RASA1: variants seen among roughly 807,000 people sequenced by gnomAD.
RASA1 encodes RAS p21 protein activator 1, also known as ras GTPase-activating protein 1.
Under a neutral mutation model 132.2 loss-of-function variants are expected in RASA1, and 25 were observed. The ratio of observed to expected loss-of-function variants is 0.19; its 90% CI spans 0.14 to 0.26. The LOEUF is 0.26. RASA1 is among the 10% of genes least tolerant of loss of function. The pLI is 1.00. For missense variants in RASA1, 964 were observed against 1,299.2 expected, an observed-to-expected ratio of 0.74 and a Z score of 3.97; for synonymous variants, 477 against 449.9, an observed-to-expected ratio of 1.06 and a Z score of -0.76.
chr5:87,364,332 A>G (rs1327148516), intron 11 of RASA1, among the ~76,000 whole-genome samples: 1 of 152,134 alleles, frequency 6.6e-6, no homozygotes, highest in African/African-American at 2.4e-5. Flanking sequence ...AGGAGATCAC[A>G]TTAGTGTTAC....
rs1425470015 is a variant in RASA1, at chr5:87,376,408, A to T, written c.2027A>T (p.Gln676Leu). Reference sequence around the variant, plus strand: ...TCTTCCCAAGTATTTATGCGCTGCCAGTTGAGCCGATTACAGAAAGGGCAT... The same window carrying T: ...TCTTCCCAAGTATTTATGCGCTGCCTGTTGAGCCGATTACAGAAAGGGCAT... The part of the protein sequence containing the change: ...KDPDILFMRC[Q>L]LSRLQKGHAT... Residue 676 changes from glutamine to leucine, a missense_variant, in exon 16 of 25, where the codon CAG (glutamine) becomes CTG (leucine). Physicochemically the swap from Gln to Leu is moderately radical, Grantham distance 113. Coordinates refer to ENST00000274376, the MANE Select transcript of RASA1 (RefSeq NM_002890.3). The T allele has an allele frequency of 1.2e-6, 2 of 1,614,004 alleles. No homozygotes were observed. The highest frequency in any genetic ancestry group is 2.7e-5 in the African/African-American group (2 of 75,048).
At chr5:87,279,127 CA>C (rs1754201341) in intron 1 of RASA1, among the ~76,000 whole-genome samples, 1 of 152,062 alleles carries the variant, frequency 6.6e-6, no homozygotes. Flanking sequence ...ACCATAGTCC[CA>C]GCTATTCAGG....
rs1165923340 is a variant in RASA1 at position 87,389,503 on chromosome 5, C to A, written c.3036C>A (p.Leu1012=). 1.2e-6 allele frequency: 2 copies of A among 1,614,066 alleles called. No individual in the cohort carries two copies. The highest frequency in any genetic ancestry group is 2.2e-5 in the South Asian group (2 of 91,078). ...CVAHSDELRT[L]SNERGAQQHV... ...CTCATTCAGATGAACTTCGAACGCT[C>A]AGTAATGAGCGTGGTGCACAGCAGG... Residue 1012 remains leucine (L), a synonymous_variant, in exon 24 of 25, where the codon CTC becomes CTA. Coordinates refer to ENST00000274376, the MANE Select transcript of RASA1 (RefSeq NM_002890.3).
At chr5:87,279,489 A>G (rs921682135) in intron 1 of RASA1, among the ~76,000 whole-genome samples, 5 of 152,174 alleles carry the variant, frequency 3.3e-5, no homozygotes, top group African/African-American at 9.7e-5. Context: ...TTTTGTGTGA[A>G]CATAAGTTTT....
rs558161286 is a variant in RASA1 at position 87,364,035 on chromosome 5, C to T, written c.1610+531C>T. On this transcript the variant is annotated intron_variant, in intron 11 of 24. Coordinates refer to ENST00000274376, the MANE Select transcript of RASA1 (RefSeq NM_002890.3). ...TAAACATCAGAAGACAAATCCAGCT[C>T]TTGATTACATCTAGATTTTTTTCTC... Among the ~76,000 whole-genome samples, 5 of 152,208 alleles carry T rather than the reference C, an allele frequency of 3.3e-5. No individual in the cohort carries two copies. The East Asian group carries it at 7.7e-4, about 23-fold the overall frequency.
intron 1 of RASA1, chr5:87,331,037 C>G: frequency 7.8e-7 from 1 of 1,276,728 alleles, no homozygotes; most frequent in East Asian, 2.6e-5. Context: ...AAGTAAAGAT[C>G]TGGTTGCAGT....
At position 87,278,916 on chromosome 5, in the gene RASA1, T is replaced by C. The variant is rs934818612; in HGVS notation, c.539+9926T>C. ...GGTAACTGCTAATTTGTTCTTTTTT[T>C]TTTTTTTTTTTTTTTTTCCTGTGGT... On this transcript the variant is annotated intron_variant, in intron 1 of 24. Transcript: ENST00000274376. Among the ~76,000 whole-genome samples, 280 of 135,320 alleles carry C rather than the reference T, an allele frequency of 2.1e-3. 4 individuals are homozygous for C. The highest frequency in any genetic ancestry group is 8.1e-3 in the African/African-American group (269 of 33,312). The allele number at this position is 135,320 out of a possible 152,430, so 88.8% of individuals were successfully genotyped here. A position where few individuals can be genotyped will look rare whatever the true frequency, so the allele number is the denominator to read the frequency against.
chr5:87,269,185 ATT>A, intron 1 of RASA1, 195 bp downstream of exon 1: 7 of 1,604,064 alleles, frequency 4.4e-6, no homozygotes, highest in Non-Finnish European at 6.0e-6. Context: ...GTCTTCCTAC[ATT>A]TATTGCTCCT....
intron 1 of RASA1, among the ~76,000 whole-genome samples, chr5:87,282,265 T>A (rs1238494709): frequency 2.0e-5 from 3 of 152,216 alleles, no homozygotes; most frequent in Non-Finnish European, 1.5e-5. Flanking sequence ...TAGTAACAAT[T>A]TATTCGTTTT....
At position 87,325,705 on chromosome 5, in the gene RASA1, T is replaced by A. The variant is rs142758585; in HGVS notation, c.540-5643T>A. Among the ~76,000 whole-genome samples the A allele has an allele frequency of 4.3e-3, 653 of 152,342 alleles. 1 individual carries two copies. Among genetic ancestry groups the A allele is most frequent in the South Asian group, 0.016 (78 of 4,830 alleles). ...ATCTGCTGGTAACTTCAATTTAGTT[T>A]TCTTTTTATAAAAGGAACTCTATTG... On this transcript the variant is annotated intron_variant, in intron 1 of 24. Transcript: ENST00000274376.
At chr5:87,289,790 T>C (rs1203964067) in intron 1 of RASA1, among the ~76,000 whole-genome samples, 1 of 152,078 alleles carries the variant, frequency 6.6e-6, no homozygotes, top group East Asian at 1.9e-4. Flanking sequence ...CTTTATTTTT[T>C]GTATAGACAG....
chr5:87,303,589 T>G (rs1199198708), intron 1 of RASA1, among the ~76,000 whole-genome samples: 1 of 152,094 alleles, frequency 6.6e-6, no homozygotes, highest in Admixed American at 6.5e-5. Flanking sequence ...TTTTACAGTT[T>G]TTCTAGGGGT....
intron 18 of RASA1, among the ~76,000 whole-genome samples, chr5:87,379,123 T>C (rs1484567428): frequency 6.6e-6 from 1 of 152,212 alleles, no homozygotes; most frequent in Admixed American, 6.5e-5. Flanking sequence ...GGAATTGTTT[T>C]TGACAATGGA....
chr5:87,376,631 G>C, intron 16 of RASA1, 66 bp downstream of exon 16: 1 of 1,543,380 alleles, frequency 6.5e-7, no homozygotes, highest in Non-Finnish European at 8.9e-7. Context: ...TTTAATAAAA[G>C]ATCCATTAAG....
chr5:87,289,696 A>G (rs1394117141), intron 1 of RASA1, among the ~76,000 whole-genome samples: 1 of 152,072 alleles, frequency 6.6e-6, no homozygotes, highest in Non-Finnish European at 1.5e-5. Flanking sequence ...CTGCAGCCTC[A>G]ACCTCCCAGG....
At chr5:87,372,739 T>C (rs957596558) in intron 13 of RASA1, among the ~76,000 whole-genome samples, 3 of 152,192 alleles carry the variant, frequency 2.0e-5, no homozygotes, top group Non-Finnish European at 4.4e-5. Flanking sequence ...CTTGGCTTTT[T>C]TCTTTTTAGT....
At chr5:87,330,597 A>C (rs1171028736) in intron 1 of RASA1, among the ~76,000 whole-genome samples, 2 of 152,200 alleles carry the variant, frequency 1.3e-5, no homozygotes, top group Non-Finnish European at 1.5e-5. Flanking sequence ...ATATCAGTCC[A>C]TGAGGCTTTT....
chr5:87,325,395 T>C (rs935612685), intron 1 of RASA1, among the ~76,000 whole-genome samples: 1 of 152,208 alleles, frequency 6.6e-6, no homozygotes, highest in Non-Finnish European at 1.5e-5. Context: ...CAAATAAATA[T>C]GGGAGCTTAA....
intron 1 of RASA1, among the ~76,000 whole-genome samples, chr5:87,329,670 AAT>A (rs1757472129): frequency 6.6e-6 from 1 of 152,156 alleles, no homozygotes; most frequent in Non-Finnish European, 1.5e-5. Flanking sequence ...AGTATATAAA[AAT>A]AGAGATTTTT....
Sources: gnomAD v4.1 joint callset for allele counts (sites outside exome capture counted in the v4.1 genomes callset) on GRCh38, gnomAD v4.1.1 for gene constraint, MANE v1.5 for transcripts, NCBI Gene and HGNC (gene_info 2026-07-23, HGNC 2026-07-21) for gene names.